The following POGK variants were observed in gnomAD, a reference collection of about 807,000 sequenced individuals.
POGK encodes the protein pogo transposable element with KRAB domain.
Under a neutral mutation model 54.4 loss-of-function variants are expected in POGK, and 16 were observed. The ratio of observed to expected loss-of-function variants is 0.29; its 90% confidence interval spans 0.20 to 0.45. The LOEUF is 0.45. Ranked by LOEUF, POGK falls within the 20% of genes least tolerant of loss-of-function variation. POGK has a pLI of 1.00. For synonymous variants in POGK, 271 were observed against 302.2 expected, an observed-to-expected ratio of 0.90 and a Z score of 1.07; for missense variants, 515 against 795.6, an observed-to-expected ratio of 0.65 and a Z score of 4.24.
At position 166,855,464 on chromosome 1, in the gene POGK, A is replaced by C. The variant is rs1017289100; in HGVS notation, c.*2894A>C. 6.6e-6 allele frequency: 1 copy of C among 152,192 alleles called. No homozygotes were observed. The highest frequency in any genetic ancestry group is 1.5e-5 in the Non-Finnish European group (1 of 68,034). 9.4% of individuals were successfully genotyped at this position (152,192 alleles called of 1,614,324 possible). On this transcript the variant is annotated 3_prime_UTR_variant, in exon 6 of 6. Transcript: ENST00000367876. ...CCAGCCTTTGGTGGACAGAGTTCAGATGTTTCAGGGGCTCTTGTGAAAATG... is the reference window on the plus strand; with the variant it reads ...CCAGCCTTTGGTGGACAGAGTTCAGCTGTTTCAGGGGCTCTTGTGAAAATG...
rs1179523889 is a variant in POGK, at chr1:166,850,067, A to G, written c.1488A>G (p.Pro496=). Residue 496 remains proline (P), a synonymous_variant, in exon 5 of 6, where the codon CCA becomes CCG. Coordinates refer to ENST00000367876, the MANE Select transcript of POGK (RefSeq NM_017542.5). Reference sequence around the variant, plus strand: ...TGAACACTGACATGGTGATCATCCCAGGGGGTCTGACCTCACAGCTTCAGG... The same window carrying G: ...TGAACACTGACATGGTGATCATCCCGGGGGGTCTGACCTCACAGCTTCAGG... ...ESMNTDMVII[P]GGLTSQLQVL... 6 of 1,613,982 alleles carry G rather than the reference A, an allele frequency of 3.7e-6. No homozygotes were observed.
chr1:166,843,870 T>G (rs1324526909), intron 2 of POGK, among the ~76,000 whole-genome samples: 1 of 152,222 alleles, frequency 6.6e-6, no homozygotes, highest in African/African-American at 2.4e-5. Flanking sequence ...GGGCAGGGAC[T>G]GAAGGTCCCT....
At chr1:166,844,642 A>C (rs905461970) in intron 2 of POGK, among the ~76,000 whole-genome samples, 1 of 152,248 alleles carries the variant, frequency 6.6e-6, no homozygotes, top group Non-Finnish European at 1.5e-5. Flanking sequence ...ATTTGCCTAG[A>C]TCGTATATTC....
chr1:166,840,883 G>C, intron 1 of POGK, 72 bp from the exon 2 acceptor site: 1 of 1,579,906 alleles, frequency 6.3e-7, no homozygotes, highest in South Asian at 1.2e-5. Context: ...ATGTGGCTCA[G>C]CCTCCCCCAT....
Position 166,850,103 on chromosome 1 carries a change from C to T in POGK, c.1524C>T (p.Val508=), listed in dbSNP as rs369557832. The T allele has an allele frequency of 1.9e-5, 30 of 1,605,678 alleles. No homozygotes were observed. In the East Asian group the frequency reaches 2.7e-4, roughly 14 times the overall value. Residue 508 remains valine (V), a synonymous_variant, in exon 5 of 6, where the codon GTC becomes GTT. Transcript: ENST00000367876. Reference sequence around the variant, plus strand: ...CCTCACAGCTTCAGGTGCTGGATGTCGTGGTCTACAAGCCACTGAATGACA... The same window carrying T: ...CCTCACAGCTTCAGGTGCTGGATGTTGTGGTCTACAAGCCACTGAATGACA... ...GLTSQLQVLD[V]VVYKPLNDSV...
At position 166,853,410 on chromosome 1, in the gene POGK, T is replaced by C. The variant is rs1453917440; in HGVS notation, c.*840T>C. ...CTGCAGAAGAAGTCGCTATAAATTA[T>C]CTGTTGTCTACATGGTACAAGGCCC... On this transcript the variant is annotated 3_prime_UTR_variant, in exon 6 of 6. Transcript: ENST00000367876. 6.6e-6 allele frequency: 1 copy of C among 152,660 alleles called. No individual in the cohort carries two copies. Among genetic ancestry groups the C allele is most frequent in the African/African-American group, 2.4e-5 (1 of 41,452 alleles). 9.5% of individuals were successfully genotyped at this position (152,660 alleles called of 1,614,324 possible).
chr1:166,842,665 A>G (rs569975750), intron 2 of POGK, among the ~76,000 whole-genome samples: 3 of 152,172 alleles, frequency 2.0e-5, no homozygotes, highest in Non-Finnish European at 4.4e-5. Context: ...ACATTTGGCA[A>G]CATCTAGAAA....
At chr1:166,847,860 A>G (rs1657908502) in intron 4 of POGK, among the ~76,000 whole-genome samples, 1 of 152,170 alleles carries the variant, frequency 6.6e-6, no homozygotes, top group Non-Finnish European at 1.5e-5. Flanking sequence ...AGGCTTGTGC[A>G]GCATTTGGTC....
chr1:166,840,042 G>C (rs1657423720), intron 1 of POGK: 1 of 152,166 alleles, frequency 6.6e-6, no homozygotes. Context: ...CCAGCTGCAG[G>C]CATCTGAAGC....
rs1165004648 is a variant in POGK at position 166,855,692 on chromosome 1, A to G, written c.*3122A>G. The stretch of plus-strand genomic sequence containing the variant: ...TAGGAATTCAGGCCAGGTCCTAGAG[A>G]GTAGTGAGAAGTTTTCCAGTTTGCA... On this transcript the variant is annotated 3_prime_UTR_variant, in exon 6 of 6. Transcript: ENST00000367876. 6.6e-6 allele frequency: 1 copy of G among 152,292 alleles called. No homozygotes were observed. The highest frequency in any genetic ancestry group is 1.5e-5 in the Non-Finnish European group (1 of 68,108). The allele number at this position is 152,292 out of a possible 1,614,324, so 9.4% of individuals were successfully genotyped here.
At chr1:166,846,394 G>C (rs2101756499) in intron 2 of POGK, among the ~76,000 whole-genome samples, 2 of 152,324 alleles carry the variant, frequency 1.3e-5, no homozygotes, top group Middle Eastern at 3.4e-3. Context: ...ACTGAGGGTG[G>C]CAGCTGCTGT....
chr1:166,841,192 C>T, intron 2 of POGK, 104 bp downstream of exon 2: 3 of 1,464,248 alleles, frequency 2.0e-6, no homozygotes, highest in South Asian at 2.7e-5. Context: ...TAAAAATAGC[C>T]CAGCCCGGTG....
intron 2 of POGK, among the ~76,000 whole-genome samples, chr1:166,841,612 A>G (rs141511112): frequency 6.6e-6 from 1 of 152,344 alleles, no homozygotes; most frequent in Non-Finnish European, 1.5e-5. Flanking sequence ...ATAGTATGAT[A>G]GAGGTCGGTT....
chr1:166,848,565 A>G (rs1657930166), intron 4 of POGK, among the ~76,000 whole-genome samples: 1 of 152,246 alleles, frequency 6.6e-6, no homozygotes, highest in African/African-American at 2.4e-5. Flanking sequence ...TCTCATTCAC[A>G]TAAAAAGTAT....
rs1209595801 is a variant in POGK at position 166,850,030 on chromosome 1, C to G, written c.1451C>G (p.Ser484Cys). Residue 484 changes from serine to cysteine, a missense_variant, in exon 5 of 6, where the codon TCC (serine) becomes TGC (cysteine). This residue lies in a region of POGK where 461 missense variants were observed against 743.5 expected (regional missense o/e 0.62). Transcript: ENST00000367876. The stretch of plus-strand genomic sequence containing the variant: ...CATGCCACAGATTCCGTGAAGAACT[C>G]CATGGAAAGCATGAACACTGACATG... Reference protein sequence around the residue: ...RGHATDSVKNSMESMNTDMVI... With the variant: ...RGHATDSVKNCMESMNTDMVI... 1.2e-6 allele frequency: 2 copies of G among 1,614,198 alleles called. No individual in the cohort carries two copies. Among genetic ancestry groups the G allele is most frequent in the East Asian group, 2.2e-5 (1 of 44,884 alleles).
intron 3 of POGK, among the ~76,000 whole-genome samples, chr1:166,846,989 T>C (rs916281543): frequency 3.3e-5 from 5 of 152,218 alleles, no homozygotes; most frequent in African/African-American, 1.2e-4. Context: ...ATAAAAACCA[T>C]GTAACCTTAG....
In POGK at chr1:166,853,974, A is replaced by G. The variant is rs1658182484; in HGVS notation, c.*1404A>G. ...TGTACTGTATTCTTGGTCATCTCAA[A>G]TGGCGTCTAAACCCAGCTACTTTGC... On this transcript the variant is annotated 3_prime_UTR_variant, in exon 6 of 6. Coordinates refer to ENST00000367876, the MANE Select transcript of POGK (RefSeq NM_017542.5). 1 of 152,172 alleles carries G rather than the reference A, an allele frequency of 6.6e-6. No homozygotes were observed. Among genetic ancestry groups the G allele is most frequent in the South Asian group, 2.1e-4 (1 of 4,832 alleles). The allele number at this position is 152,172 out of a possible 1,614,324, so 9.4% of individuals were successfully genotyped here. A position where few individuals can be genotyped will look rare whatever the true frequency, so the allele number is the denominator to read the frequency against.
intron 5 of POGK, chr1:166,851,175 A>G (rs1315642642): frequency 6.6e-6 from 1 of 152,196 alleles, no homozygotes; most frequent in East Asian, 1.9e-4. Context: ...TGTGTAACTG[A>G]CATGCTGGGA....
intron 5 of POGK, chr1:166,852,266 T>C (rs981174751): frequency 5.9e-5 from 9 of 152,236 alleles, no homozygotes; most frequent in African/African-American, 2.2e-4. Context: ...CTAAGCTCCT[T>C]ACCACCTCAG....
Sources: allele counts gnomAD v4.1 joint callset (sites outside exome capture counted in the v4.1 genomes callset), GRCh38; gene constraint gnomAD v4.1.1; regional missense constraint gnomAD v4.1.1; transcripts MANE v1.5; gene names NCBI Gene and HGNC (gene_info 2026-07-23, HGNC 2026-07-21).